The following CYYR1 variants were observed in gnomAD, a reference collection of about 807,000 sequenced individuals.
CYYR1 encodes cysteine and tyrosine rich 1, also known as cysteine and tyrosine-rich protein 1.
In CYYR1, 14 loss-of-function variants were observed where a neutral mutation model predicts 15.2. That is an observed-to-expected ratio of 0.92 (90% CI 0.61 to 1.44). The LOEUF is 1.44. Ranked by LOEUF, CYYR1 falls within the 40% of genes most tolerant of loss-of-function variation. CYYR1 has a pLI of 0.00. For synonymous variants in CYYR1, 80 were observed against 77.4 expected (o/e 1.03, Z -0.18); for missense variants, 228 against 209.5 (o/e 1.09, Z -0.54).
chr21:26,532,967 A>G (rs1416686469), intron 2 of CYYR1, among the ~76,000 whole-genome samples: 1 of 152,106 alleles, frequency 6.6e-6, no homozygotes, highest in African/African-American at 2.4e-5. Context: ...TTTTGTGTTT[A>G]GACTTGGGTT....
At chr21:26,472,011 C>T (rs2065040603) in intron 3 of CYYR1, among the ~76,000 whole-genome samples, 2 of 152,146 alleles carry the variant, frequency 1.3e-5, no homozygotes, top group African/African-American at 4.8e-5. Flanking sequence ...CGTGGTGTTA[C>T]CCAAACTATT....
intron 3 of CYYR1, among the ~76,000 whole-genome samples, chr21:26,475,225 A>G (rs1438344944): frequency 2.0e-5 from 3 of 151,794 alleles, no homozygotes; most frequent in Non-Finnish European, 4.4e-5. Context: ...CTTAACCTCA[A>G]ATACCTCCTC....
intron 2 of CYYR1, among the ~76,000 whole-genome samples, chr21:26,562,837 C>T (rs1980334902): frequency 6.6e-6 from 1 of 150,590 alleles, no homozygotes; most frequent in Non-Finnish European, 1.5e-5. Flanking sequence ...CACGGACAGA[C>T]TTAGCTTTCC....
intron 2 of CYYR1, among the ~76,000 whole-genome samples, chr21:26,519,027 G>A (rs2065769883): frequency 6.6e-6 from 1 of 152,158 alleles, no homozygotes; most frequent in African/African-American, 2.4e-5. Flanking sequence ...GTGGTTTTTG[G>A]AAGATAGTTC....
intron 1 of CYYR1, among the ~76,000 whole-genome samples, chr21:26,572,240 TCA>T (rs917973262): frequency 1.3e-5 from 2 of 152,220 alleles, no homozygotes; most frequent in Non-Finnish European, 2.9e-5. Flanking sequence ...TCCATATTAA[TCA>T]CAAACAAGAA....
At chr21:26,469,708 C>G (rs192549936) in intron 3 of CYYR1, among the ~76,000 whole-genome samples, 1 of 152,144 alleles carries the variant, frequency 6.6e-6, no homozygotes, top group African/African-American at 2.4e-5. Flanking sequence ...GTATAGAACA[C>G]TGGAACTTAT....
intron 2 of CYYR1, among the ~76,000 whole-genome samples, chr21:26,507,165 T>C (rs2065578876): frequency 6.6e-6 from 1 of 152,154 alleles, no homozygotes; most frequent in Non-Finnish European, 1.5e-5. Flanking sequence ...CTCAGCTCCT[T>C]ACAGTACCAA....
At chr21:26,502,875 G>A (rs2065501232) in intron 2 of CYYR1, among the ~76,000 whole-genome samples, 2 of 152,214 alleles carry the variant, frequency 1.3e-5, no homozygotes, top group African/African-American at 4.8e-5. Context: ...ATATTTCTGT[G>A]ATGAATTTTT....
chr21:26,472,329 T>G (rs2065045468), intron 3 of CYYR1, among the ~76,000 whole-genome samples: 1 of 151,082 alleles, frequency 6.6e-6, no homozygotes, highest in Admixed American at 6.6e-5. Context: ...CACATAGACT[T>G]TTTAATTATT....
intron 2 of CYYR1, among the ~76,000 whole-genome samples, chr21:26,547,421 G>T (rs971807126): frequency 6.6e-6 from 1 of 152,144 alleles, no homozygotes; most frequent in Admixed American, 6.5e-5. Flanking sequence ...ACAAACCATG[G>T]TCTGTTTTGT....
rs559243522 is a variant in CYYR1 at position 26,547,418 on chromosome 21, A to G, written c.176+18848T>C. On this transcript the variant is annotated intron_variant, in intron 2 of 3. Transcript: ENST00000652641. The stretch of plus-strand genomic sequence containing the variant: ...CACCTGGACAGACTTGTCACAAACC[A>G]TGGTCTGTTTTGTGGGCCCAAGAGA... Among the ~76,000 whole-genome samples the G allele has an allele frequency of 2.6e-5, 4 of 152,252 alleles. No homozygotes were observed. The East Asian group carries it at 7.7e-4, about 29-fold the overall frequency.
intron 2 of CYYR1, among the ~76,000 whole-genome samples, chr21:26,533,952 G>A (rs1001687752): frequency 1.3e-5 from 2 of 152,090 alleles, no homozygotes; most frequent in Non-Finnish European, 2.9e-5. Context: ...TAATTCAAAT[G>A]ACATAAAATT....
intron 2 of CYYR1, among the ~76,000 whole-genome samples, chr21:26,521,102 G>T (rs965401173): frequency 6.6e-6 from 1 of 152,110 alleles, no homozygotes; most frequent in African/African-American, 2.4e-5. Flanking sequence ...CTAGGTGATG[G>T]GTTGATAGGT....
chr21:26,542,412 T>C (rs1978638927), intron 2 of CYYR1, among the ~76,000 whole-genome samples: 1 of 151,820 alleles, frequency 6.6e-6, no homozygotes, highest in Non-Finnish European at 1.5e-5. Context: ...GACCTAAACA[T>C]GCGATCATTT....
intron 3 of CYYR1, among the ~76,000 whole-genome samples, chr21:26,476,741 G>A (rs556058513): frequency 1.3e-5 from 2 of 151,696 alleles, no homozygotes; most frequent in Non-Finnish European, 2.9e-5. Flanking sequence ...CCTTTTGTTA[G>A]TATTTGACTT....
chr21:26,500,393 C>A (rs2123474105), intron 2 of CYYR1, among the ~76,000 whole-genome samples: 1 of 152,206 alleles, frequency 6.6e-6, no homozygotes, highest in South Asian at 2.1e-4. Context: ...GAGAGTACCA[C>A]CTGGAAGGGC....
chr21:26,517,078 G>A (rs868628321), intron 2 of CYYR1, among the ~76,000 whole-genome samples: 7 of 114,354 alleles, frequency 6.1e-5, no homozygotes, highest in Non-Finnish European at 8.1e-5. Flanking sequence ...TCGCGCCACT[G>A]CACTCCAGCC....
chr21:26,472,918 G>A (rs931103433), intron 3 of CYYR1, among the ~76,000 whole-genome samples: 3 of 151,810 alleles, frequency 2.0e-5, no homozygotes, highest in South Asian at 2.1e-4. Context: ...TTAATGCTTC[G>A]CTACATGTGT....
intron 3 of CYYR1, chr21:26,478,084 A>G (rs1404731745): frequency 3.9e-6 from 6 of 1,549,716 alleles, no homozygotes; most frequent in Non-Finnish European, 5.2e-6. Context: ...CATGCTTGGA[A>G]TAGAGTGTTG....
Sources: allele counts gnomAD v4.1 joint callset (sites outside exome capture counted in the v4.1 genomes callset), GRCh38; gene constraint gnomAD v4.1.1; transcripts MANE v1.5; gene names NCBI Gene and HGNC (gene_info 2026-07-23, HGNC 2026-07-21).